ASIC2: variants seen among roughly 807,000 people sequenced by gnomAD.
ASIC2 encodes the protein acid sensing ion channel subunit 2.
ASIC2 carries 25 observed loss-of-function variants against 57.3 expected under a neutral mutation model. The ratio of observed to expected loss-of-function variants is 0.44; its 90% CI spans 0.32 to 0.61. The LOEUF is 0.61. ASIC2 is among the 20% of genes least tolerant of loss of function. The pLI, the probability that ASIC2 is intolerant of heterozygous loss-of-function variation, is 0.06. For missense variants in ASIC2, 641 were observed against 738.1 expected (o/e 0.87, Z 1.52); for synonymous variants, 319 against 307.5 (o/e 1.04, Z -0.39).
At chr17:33,743,585 C>T (rs539189657) in intron 1 of ASIC2, among the ~76,000 whole-genome samples, 11 of 152,358 alleles carry the variant, frequency 7.2e-5, no homozygotes, top group African/African-American at 2.6e-4. Flanking sequence ...TACAGGTGAG[C>T]CTCCTCTGAC....
chr17:33,584,528 C>A (rs1010361054), intron 1 of ASIC2, among the ~76,000 whole-genome samples: 1 of 152,104 alleles, frequency 6.6e-6, no homozygotes, highest in Non-Finnish European at 1.5e-5. Flanking sequence ...TGATAGAGCC[C>A]TGTCACCTCC....
chr17:33,125,478 T>C (rs966063870), intron 1 of ASIC2, among the ~76,000 whole-genome samples: 2 of 152,156 alleles, frequency 1.3e-5, no homozygotes, highest in Admixed American at 1.3e-4. Context: ...CCTAAGATGA[T>C]TAGAGGCTTT....
At chr17:33,790,377 A>G (rs1384759254) in intron 1 of ASIC2, among the ~76,000 whole-genome samples, 1 of 152,192 alleles carries the variant, frequency 6.6e-6, no homozygotes, top group East Asian at 1.9e-4. Flanking sequence ...TGAAGAAGCA[A>G]TCTCAGAATA....
At chr17:34,074,230 A>C (rs1598008849) in intron 1 of ASIC2, among the ~76,000 whole-genome samples, 1 of 152,176 alleles carries the variant, frequency 6.6e-6, no homozygotes, top group African/African-American at 2.4e-5. Flanking sequence ...TATTTTGAGA[A>C]CCACTGGCTA....
intron 1 of ASIC2, among the ~76,000 whole-genome samples, chr17:33,679,093 G>C (rs1444832057): frequency 6.6e-6 from 1 of 152,232 alleles, no homozygotes; most frequent in Non-Finnish European, 1.5e-5. Flanking sequence ...ACCCCTGTTG[G>C]ATAGTAGCTT....
Position 33,473,517 on chromosome 17 carries a change from C to A in ASIC2, c.556-361450G>T, listed in dbSNP as rs148320746. On this transcript the variant is annotated intron_variant, in intron 1 of 9. Coordinates refer to the ASIC2 transcript ENST00000359872. ...GCATCAAGCAGGAATGAGTACCACG[C>A]GGGGCTTCTGGACACTTAAGGAAGA... is the stretch of plus-strand genomic sequence containing the variant. 3.9e-5 allele frequency among the ~76,000 whole-genome samples: 6 copies of A among 152,046 alleles called. 1 individual carries two copies. The highest frequency in any genetic ancestry group is 1.2e-4 in the African/African-American group (5 of 41,482).
intron 1 of ASIC2, among the ~76,000 whole-genome samples, chr17:33,113,498 A>G (rs917851259): frequency 1.3e-5 from 2 of 152,208 alleles, no homozygotes; most frequent in African/African-American, 4.8e-5. Flanking sequence ...GGTCTGGGCC[A>G]CTTTCCTGAG....
At chr17:33,614,641 A>T (rs1277059853) in intron 1 of ASIC2, among the ~76,000 whole-genome samples, 1 of 152,278 alleles carries the variant, frequency 6.6e-6, no homozygotes, top group East Asian at 1.9e-4. Context: ...ATGTGAAATC[A>T]AAAAATACAG....
chr17:33,510,512 G>A (rs941529137), intron 1 of ASIC2, among the ~76,000 whole-genome samples: 6 of 151,606 alleles, frequency 4.0e-5, no homozygotes, highest in African/African-American at 1.5e-4. Context: ...GGGTGTGGTG[G>A]TGCATGCCAC....
intron 1 of ASIC2, among the ~76,000 whole-genome samples, chr17:33,532,553 T>C (rs1273979081): frequency 6.6e-6 from 1 of 151,992 alleles, no homozygotes; most frequent in African/African-American, 2.4e-5. Context: ...AGCAAGTGAA[T>C]AGGAAAGAAA....
rs527610630 is a variant in ASIC2 at position 33,353,263 on chromosome 17, A to T, written c.556-241196T>A. ...TCACCCTTCCATAATCATGCACTGA[A>T]CATGCCCATTGCCGTGGTGGGAACT... On this transcript the variant is annotated intron_variant, in intron 1 of 9. Coordinates refer to the ASIC2 transcript ENST00000359872. Among the ~76,000 whole-genome samples, 3 of 152,306 alleles carry T rather than the reference A, an allele frequency of 2.0e-5. No individual in the cohort carries two copies. In the South Asian group the frequency reaches 6.2e-4, roughly 32 times the overall value.
chr17:33,018,166 C>G (rs1011482188), intron 7 of ASIC2, among the ~76,000 whole-genome samples: 1 of 152,206 alleles, frequency 6.6e-6, no homozygotes, highest in Admixed American at 6.5e-5. Context: ...CCATAGGTGT[C>G]TCCTCTCTCC....
At chr17:33,834,751 A>G (rs1366444704) in intron 1 of ASIC2, among the ~76,000 whole-genome samples, 1 of 152,164 alleles carries the variant, frequency 6.6e-6, no homozygotes, top group Non-Finnish European at 1.5e-5. Context: ...CAACAAATTT[A>G]TCTTTGCCCC....
At chr17:33,787,001 C>G (rs1319653721) in intron 1 of ASIC2, among the ~76,000 whole-genome samples, 3 of 152,156 alleles carry the variant, frequency 2.0e-5, no homozygotes, top group Non-Finnish European at 2.9e-5. Context: ...GGAAATCAAG[C>G]TTCTTGGATG....
chr17:33,736,880 A>G (rs1407828433), intron 1 of ASIC2, among the ~76,000 whole-genome samples: 1 of 152,190 alleles, frequency 6.6e-6, no homozygotes, highest in Non-Finnish European at 1.5e-5. Context: ...TATCATGGGC[A>G]TGTTTTTGGC....
chr17:33,689,325 C>T (rs538706512), intron 1 of ASIC2, among the ~76,000 whole-genome samples: 1 of 152,162 alleles, frequency 6.6e-6, no homozygotes, highest in African/African-American at 2.4e-5. Context: ...CCCACCTCGG[C>T]CTCCCAAGTA....
At chr17:33,427,375 T>C (rs1242929913) in intron 1 of ASIC2, among the ~76,000 whole-genome samples, 4 of 152,180 alleles carry the variant, frequency 2.6e-5, no homozygotes, top group Admixed American at 6.5e-5. Context: ...CAAAGAATTA[T>C]GTATGAAAGT....
At chr17:33,600,158 G>A (rs1384957902) in intron 1 of ASIC2, among the ~76,000 whole-genome samples, 1 of 152,140 alleles carries the variant, frequency 6.6e-6, no homozygotes, top group African/African-American at 2.4e-5. Context: ...TCTTCAGAGG[G>A]AAACCCCAAA....
chr17:33,498,598 ACGGAGCTG>A (rs111928757), intron 1 of ASIC2, among the ~76,000 whole-genome samples: 4,484 of 151,990 alleles, frequency 0.03, 79 homozygotes, highest in Middle Eastern at 0.058. Context: ...GCTTGAATGC[ACGGAGCTG>A]CTCGGGTGAA....
Sources: allele counts gnomAD v4.1 joint callset (sites outside exome capture counted in the v4.1 genomes callset), GRCh38; gene constraint gnomAD v4.1.1; transcripts MANE v1.5; gene names NCBI Gene and HGNC (gene_info 2026-07-23, HGNC 2026-07-21).